PLCE1: variants seen among roughly 807,000 people sequenced by gnomAD.
PLCE1 encodes the protein 1-phosphatidylinositol 4,5-bisphosphate phosphodiesterase epsilon-1.
PLCE1 carries 119 observed loss-of-function variants against 242.8 expected under a neutral mutation model. The observed-to-expected ratio is 0.49, with a 90% CI of 0.42 to 0.57. The LOEUF (loss-of-function observed/expected upper bound fraction) is 0.57. Ranked by LOEUF, PLCE1 falls within the 20% of genes least tolerant of loss-of-function variation. PLCE1 has a pLI of 0.00. For synonymous variants in PLCE1, 945 were observed against 1,017.4 expected, an observed-to-expected ratio of 0.93 and a Z score of 1.35; for missense variants, 2,441 against 2,788.8, an observed-to-expected ratio of 0.88 and a Z score of 2.81.
chr10:94,172,473 A>G (rs2048014581), intron 4 of PLCE1, among the ~76,000 whole-genome samples: 2 of 152,160 alleles, frequency 1.3e-5, no homozygotes, highest in Admixed American at 1.3e-4. Flanking sequence ...CTAACAGGAT[A>G]TTCCTATTCT....
chr10:94,018,798 G>A (rs2061326323), intron 1 of PLCE1, among the ~76,000 whole-genome samples: 1 of 152,134 alleles, frequency 6.6e-6, no homozygotes, highest in African/African-American at 2.4e-5. Context: ...CCTTGCACAT[G>A]TGCTAAGCAC....
At chr10:94,269,978 A>T (rs2133119049) in intron 17 of PLCE1, among the ~76,000 whole-genome samples, 1 of 152,316 alleles carries the variant, frequency 6.6e-6, no homozygotes, top group Admixed American at 6.5e-5. Context: ...AGTGGCTAAA[A>T]TGCATTTTCT....
At chr10:94,173,469 T>G (rs1383485455) in intron 4 of PLCE1, among the ~76,000 whole-genome samples, 1 of 152,246 alleles carries the variant, frequency 6.6e-6, no homozygotes, top group African/African-American at 2.4e-5. Flanking sequence ...TGGATTTCAC[T>G]GTATTTCATG....
At chr10:94,198,073 CAA>C (rs11294965) in intron 4 of PLCE1, among the ~76,000 whole-genome samples, 33 of 139,880 alleles carry the variant, frequency 2.4e-4, no homozygotes, top group East Asian at 8.4e-4. Context: ...CACCCCCCAC[CAA>C]AAAAAAAAAA....
At chr10:94,251,125 G>C (rs942919009) in intron 8 of PLCE1, among the ~76,000 whole-genome samples, 14 of 152,154 alleles carry the variant, frequency 9.2e-5, no homozygotes, top group African/African-American at 2.9e-4. Flanking sequence ...ATATCCAGTG[G>C]AGAATAGACA....
chr10:94,130,383 T>G (rs566458341), intron 2 of PLCE1, among the ~76,000 whole-genome samples: 4 of 152,222 alleles, frequency 2.6e-5, no homozygotes, highest in Admixed American at 2.0e-4. Flanking sequence ...TTTTATAGAC[T>G]TGCTCAACAG....
intron 4 of PLCE1, among the ~76,000 whole-genome samples, chr10:94,192,186 A>G (rs1009281509): frequency 8.5e-5 from 13 of 152,196 alleles, no homozygotes; most frequent in Admixed American, 6.5e-5. Flanking sequence ...TTTTGTTTTT[A>G]TAATTTCAAC....
chr10:94,316,491 T>C (rs1366698675), intron 28 of PLCE1, 56 bp from the exon 29 acceptor site: 3 of 1,092,274 alleles, frequency 2.7e-6, no homozygotes, highest in Non-Finnish European at 4.2e-6. Context: ...ACCATGAAAG[T>C]TGATTTGTTT....
chr10:94,109,462 G>A (rs1369543939), intron 2 of PLCE1, among the ~76,000 whole-genome samples: 1 of 152,008 alleles, frequency 6.6e-6, no homozygotes, highest in African/African-American at 2.4e-5. Context: ...ACAAAAATTC[G>A]CCATGCATGG....
chr10:94,141,646 A>T (rs1332802488), intron 3 of PLCE1, among the ~76,000 whole-genome samples: 1 of 8,728 alleles, frequency 1.1e-4, no homozygotes, highest in Non-Finnish European at 2.5e-4. Flanking sequence ...AGAAAGAAGG[A>T]AGGAAAGAAG....
chr10:94,031,942 A>G lies in PLCE1; in HGVS notation c.896A>G (p.His299Arg), dbSNP rs957152318. The G allele has an allele frequency of 6.8e-6, 11 of 1,613,792 alleles. No homozygotes were observed. In the African/African-American group the frequency reaches 1.2e-4, roughly 18 times the overall value. The change falls in exon 2 of 33, where the codon CAT (histidine) becomes CGT (arginine). Residue 299 changes from histidine (H) to arginine (R), a missense_variant. Transcript: ENST00000371380. ...CAAGCTGCCAAGACCTTTTTGAGCC[A>G]TTTTGAGGACTTCCCTGATAATTGT... ...DSQAAKTFLS[H>R]FEDFPDNCDD...
intron 1 of PLCE1, among the ~76,000 whole-genome samples, chr10:94,018,735 G>A (rs980424354): frequency 6.6e-6 from 1 of 152,280 alleles, no homozygotes; most frequent in East Asian, 1.9e-4. Flanking sequence ...AGTAAGTAAT[G>A]ATTTCCTGTA....
At chr10:94,024,658 T>G (rs564689513) in intron 1 of PLCE1, among the ~76,000 whole-genome samples, 1 of 152,248 alleles carries the variant, frequency 6.6e-6, no homozygotes, top group South Asian at 2.1e-4. Context: ...TAAATTAGTT[T>G]TTGTTATTGT....
chr10:94,277,271 C>T (rs1262431190), intron 19 of PLCE1, among the ~76,000 whole-genome samples: 1 of 152,144 alleles, frequency 6.6e-6, no homozygotes, highest in East Asian at 1.9e-4. Flanking sequence ...GACACTGCGG[C>T]TAGGTACTGG....
Position 94,324,928 on chromosome 10 carries a change from G to A in PLCE1, c.6757G>A (p.Ala2253Thr), listed in dbSNP as rs180876175. 2.4e-5 allele frequency: 39 copies of A among 1,614,108 alleles called. No homozygotes were observed. The highest frequency in any genetic ancestry group is 8.0e-5 in the African/African-American group (6 of 75,016). The change falls in exon 32 of 33, where the codon GCA becomes ACA. Residue 2253 changes from alanine to threonine, a missense_variant. Physicochemically the swap from Ala to Thr is moderately conservative, Grantham distance 58. Transcript: ENST00000371380. ...REDKKKGISFASELKKLTKST... is the reference protein window; with the variant it reads ...REDKKKGISFTSELKKLTKST... The stretch of plus-strand genomic sequence containing the variant: ...AGATAAAAAGAAAGGCATTTCTTTC[G>A]CAAGTGAACTCAAGAAGCTCACCAA...
chr10:94,283,691 A>G (rs969627736), intron 20 of PLCE1, 99 bp from the exon 21 acceptor site: 9 of 1,253,128 alleles, frequency 7.2e-6, no homozygotes, highest in African/African-American at 3.0e-5. Flanking sequence ...ATTCTTATAG[A>G]TAAGTACAAG....
chr10:94,243,020 T>G (rs2050560293), intron 7 of PLCE1, among the ~76,000 whole-genome samples: 1 of 152,182 alleles, frequency 6.6e-6, no homozygotes, highest in Non-Finnish European at 1.5e-5. Flanking sequence ...TCCCCACTCC[T>G]TAAGAGTGAG....
At chr10:94,029,411 A>C (rs2134467404) in intron 1 of PLCE1, among the ~76,000 whole-genome samples, 1 of 152,316 alleles carries the variant, frequency 6.6e-6, no homozygotes, top group East Asian at 1.9e-4. Context: ...AATGACCAAC[A>C]TTATCTGGTA....
At chr10:94,008,501 G>C (rs531827008) in intron 1 of PLCE1, among the ~76,000 whole-genome samples, 2 of 152,062 alleles carry the variant, frequency 1.3e-5, no homozygotes, top group African/African-American at 4.8e-5. Flanking sequence ...TAAAGACAGC[G>C]TTTCACTACA....
Sources: allele counts gnomAD v4.1 joint callset (sites outside exome capture counted in the v4.1 genomes callset), GRCh38; gene constraint gnomAD v4.1.1; transcripts MANE v1.5; gene names NCBI Gene and HGNC (gene_info 2026-07-23, HGNC 2026-07-21).